Variants in GTF2B observed in about 807,000 individuals in gnomAD.
GTF2B encodes the protein general transcription factor IIB.
Under a neutral mutation model 34.6 loss-of-function variants are expected in GTF2B, and 20 were observed. The observed-to-expected ratio is 0.58, with a 90% confidence interval of 0.41 to 0.84. The LOEUF (loss-of-function observed/expected upper bound fraction) is 0.84, where lower values mean the gene tolerates loss of function less well. Ranked by LOEUF, GTF2B falls within the 40% of genes least tolerant of loss-of-function variation. The pLI, the probability that GTF2B is intolerant of heterozygous loss-of-function variation, is 0.00. For synonymous variants in GTF2B, 142 were observed against 132.4 expected (o/e 1.07, Z -0.50); for missense variants, 237 against 393.3 (o/e 0.60, Z 3.36).
chr1:88,891,337 C>T, intron 1 of GTF2B, 146 bp downstream of exon 1: 1 of 615,536 alleles, frequency 1.6e-6, no homozygotes, highest in Non-Finnish European at 2.9e-6. Flanking sequence ...CTGGAAGTGC[C>T]TTTGTCCCGG....
intron 2 of GTF2B, among the ~76,000 whole-genome samples, chr1:88,874,280 T>C (rs1352207402): frequency 6.6e-6 from 1 of 152,056 alleles, no homozygotes; most frequent in African/African-American, 2.4e-5. Flanking sequence ...TTTTGCTTCT[T>C]ATTTCTTATT....
At chr1:88,866,691 G>A (rs905395074) in intron 2 of GTF2B, among the ~76,000 whole-genome samples, 1 of 152,042 alleles carries the variant, frequency 6.6e-6, no homozygotes, top group Non-Finnish European at 1.5e-5. Flanking sequence ...TACAGGGGTG[G>A]GCCACCATGC....
At position 88,860,003 on chromosome 1, in the gene GTF2B, T is replaced by C. The variant is rs2100964062; in HGVS notation, c.414A>G (p.Thr138=). Residue 138 remains threonine (T), a synonymous_variant, in exon 5 of 7, where the codon ACA becomes ACG. Transcript: ENST00000370500. ...INLPRNIVDR[T]NNLFKQVYEQ... ...CATATACTTGCTTGAATAAATTATT[T>C]GTTCGATCCTTCAAAGCAGAGAAAC... The C allele has an allele frequency of 6.2e-7, 1 of 1,613,910 alleles. No homozygotes were observed. Among genetic ancestry groups the C allele is most frequent in the Non-Finnish European group, 8.5e-7 (1 of 1,179,834 alleles).
chr1:88,862,698 G>A (rs774241166), intron 3 of GTF2B, among the ~76,000 whole-genome samples: 8 of 152,244 alleles, frequency 5.3e-5, no homozygotes, highest in African/African-American at 9.6e-5. Flanking sequence ...GAGTGCAGTC[G>A]CGCGATCTCA....
rs1256949979 is a variant in GTF2B, at chr1:88,857,084, A to AG, written c.817+121dup. Reference sequence around the variant, plus strand: ...CCAAAGTGCTGAGATTATAGGTGTGAGCCCCCGCGCCTGGTCAAATGTGGG... The same window carrying AG: ...CCAAAGTGCTGAGATTATAGGTGTGAGGCCCCCGCGCCTGGTCAAATGTGGG... On this transcript the variant is annotated intron_variant, in intron 6 of 6. Transcript: ENST00000370500. 3 of 850,300 alleles carry AG rather than the reference A, an allele frequency of 3.5e-6. No homozygotes were observed. The African/African-American group carries it at 5.0e-5, about 14-fold the overall frequency. The allele number at this position is 850,300 out of a possible 1,614,324, so 52.7% of individuals were successfully genotyped here. A position where few individuals can be genotyped will look rare whatever the true frequency, so the allele number is the denominator to read the frequency against.
At chr1:88,855,138 C>G (rs923457942) in intron 6 of GTF2B, among the ~76,000 whole-genome samples, 2 of 152,198 alleles carry the variant, frequency 1.3e-5, no homozygotes, top group East Asian at 3.9e-4. Flanking sequence ...AACTGCCTAG[C>G]TGCAACTTCT....
At chr1:88,868,860 C>T (rs781639097) in intron 2 of GTF2B, among the ~76,000 whole-genome samples, 5 of 152,072 alleles carry the variant, frequency 3.3e-5, no homozygotes, top group Non-Finnish European at 5.9e-5. Context: ...CTCAGCCTCC[C>T]GAGTAGCTGG....
At position 88,860,131 on chromosome 1, in the gene GTF2B, A is replaced by AT. The variant is rs761524623; in HGVS notation, c.405+8_405+9insA. ...CAGAATGGCTTAAAGGAGGTAGACA[A>AT]GAACTTACAACTATATTTCGAGGTA... On this transcript the variant is annotated intron_variant, in intron 4 of 6. Transcript: ENST00000370500. 1 of 1,613,836 alleles carries AT rather than the reference A, an allele frequency of 6.2e-7. No homozygotes were observed. Among genetic ancestry groups the AT allele is most frequent in the African/African-American group, 1.3e-5 (1 of 74,942 alleles).
At chr1:88,854,252 T>A (rs1292157231) in intron 6 of GTF2B, among the ~76,000 whole-genome samples, 1 of 152,228 alleles carries the variant, frequency 6.6e-6, no homozygotes, top group East Asian at 1.9e-4. Flanking sequence ...TCTTTTTTTC[T>A]ACTTAATACA....
At chr1:88,886,265 G>C (rs921886762) in intron 2 of GTF2B, among the ~76,000 whole-genome samples, 2 of 152,092 alleles carry the variant, frequency 1.3e-5, no homozygotes, top group Non-Finnish European at 2.9e-5. Flanking sequence ...CACTACTAAT[G>C]CTTCTGTTAT....
intron 2 of GTF2B, among the ~76,000 whole-genome samples, chr1:88,869,753 A>C (rs1673646386): frequency 6.6e-6 from 1 of 151,938 alleles, no homozygotes; most frequent in African/African-American, 2.4e-5. Context: ...TCAGCTTCCA[A>C]GTAGCTGGGA....
At chr1:88,883,165 T>G (rs1673986186) in intron 2 of GTF2B, among the ~76,000 whole-genome samples, 1 of 152,272 alleles carries the variant, frequency 6.6e-6, no homozygotes, top group Non-Finnish European at 1.5e-5. Flanking sequence ...AGCAGTATTT[T>G]GCCTTGTAAC....
At chr1:88,868,975 G>A (rs1256521943) in intron 2 of GTF2B, among the ~76,000 whole-genome samples, 1 of 152,022 alleles carries the variant, frequency 6.6e-6, no homozygotes, top group East Asian at 1.9e-4. Flanking sequence ...TCCTGACCTC[G>A]TGATCCGCCC....
intron 2 of GTF2B, among the ~76,000 whole-genome samples, chr1:88,874,272 T>C (rs1429962579): frequency 1.3e-5 from 2 of 152,082 alleles, no homozygotes; most frequent in Non-Finnish European, 2.9e-5. Flanking sequence ...AAGAGTGTTT[T>C]TGCTTCTTAT....
At chr1:88,874,497 A>ATTT (rs56331310) in intron 2 of GTF2B, among the ~76,000 whole-genome samples, 1 of 83,576 alleles carries the variant, frequency 1.2e-5, no homozygotes, top group East Asian at 3.5e-4. Context: ...AGCTAATTAA[A>ATTT]TTTTTTTTTT....
At chr1:88,884,689 C>T (rs566378445) in intron 2 of GTF2B, among the ~76,000 whole-genome samples, 1 of 152,272 alleles carries the variant, frequency 6.6e-6, no homozygotes. Flanking sequence ...TTCTATTTTA[C>T]ATTATTTTCT....
intron 2 of GTF2B, among the ~76,000 whole-genome samples, chr1:88,865,689 C>A (rs1159700179): frequency 2.0e-5 from 3 of 151,868 alleles, no homozygotes; most frequent in African/African-American, 7.3e-5. Flanking sequence ...CCTGTCTCTA[C>A]TAAAAATACA....
At chr1:88,880,555 T>C (rs2100977465) in intron 2 of GTF2B, among the ~76,000 whole-genome samples, 1 of 152,338 alleles carries the variant, frequency 6.6e-6, no homozygotes, top group South Asian at 2.1e-4. Context: ...GATATATAAA[T>C]ACTGGAGGCA....
chr1:88,873,764 A>T (rs567249027), intron 2 of GTF2B, among the ~76,000 whole-genome samples: 1 of 152,298 alleles, frequency 6.6e-6, no homozygotes, highest in Admixed American at 6.5e-5. Context: ...GTAAGGATAC[A>T]TCTTTTCTTA....
Sources: allele counts gnomAD v4.1 joint callset (sites outside exome capture counted in the v4.1 genomes callset), GRCh38; gene constraint gnomAD v4.1.1; transcripts MANE v1.5; gene names NCBI Gene and HGNC (gene_info 2026-07-23, HGNC 2026-07-21).